Variants in NRG1 observed in about 807,000 individuals in gnomAD.
NRG1 encodes neuregulin 1, also known as pro-neuregulin-1, membrane-bound isoform.
A neutral mutation model predicts 63.8 loss-of-function variants in NRG1; 18 were observed. The ratio of observed to expected loss-of-function variants is 0.28; its 90% CI spans 0.19 to 0.42. The LOEUF is 0.42. NRG1 is among the 10% of genes least tolerant of loss of function. NRG1 has a pLI of 1.00. For synonymous variants in NRG1, 302 were observed against 301.3 expected, an observed-to-expected ratio of 1.00 and a Z score of -0.02; for missense variants, 762 against 814.7, an observed-to-expected ratio of 0.94 and a Z score of 0.79.
At chr8:31,752,757 G>T (rs1239066369) in intron 1 of NRG1, among the ~76,000 whole-genome samples, 2 of 151,976 alleles carry the variant, frequency 1.3e-5, no homozygotes, top group African/African-American at 4.8e-5. Context: ...AGGTGAATAG[G>T]GAGAGGAGCA....
At chr8:32,211,352 C>T (rs1030056274) in intron 1 of NRG1, among the ~76,000 whole-genome samples, 7 of 152,070 alleles carry the variant, frequency 4.6e-5, no homozygotes, top group Non-Finnish European at 1.0e-4. Context: ...TACAGTTTTT[C>T]CATTTTAGAA....
At chr8:31,734,122 T>C (rs1229651825) in intron 1 of NRG1, among the ~76,000 whole-genome samples, 1 of 150,318 alleles carries the variant, frequency 6.7e-6, no homozygotes, top group African/African-American at 2.5e-5. Context: ...AGGTCAGGAG[T>C]TCAAGACTAA....
intron 10 of NRG1, among the ~76,000 whole-genome samples, chr8:32,759,746 A>G (rs1830360847): frequency 6.6e-6 from 1 of 152,172 alleles, no homozygotes; most frequent in African/African-American, 2.4e-5. Flanking sequence ...TCTTTCAGTA[A>G]TTGGATTGCC....
At chr8:32,234,109 C>T (rs1847288829) in intron 1 of NRG1, among the ~76,000 whole-genome samples, 1 of 152,108 alleles carries the variant, frequency 6.6e-6, no homozygotes, top group Admixed American at 6.5e-5. Flanking sequence ...AGAATTATCA[C>T]TGAAATTTAC....
intron 6 of NRG1, among the ~76,000 whole-genome samples, chr8:32,738,435 C>T (rs1211012813): frequency 2.0e-5 from 3 of 151,830 alleles, no homozygotes; most frequent in African/African-American, 7.3e-5. Flanking sequence ...TACACACACA[C>T]ACACACACAC....
intron 1 of NRG1, among the ~76,000 whole-genome samples, chr8:31,952,839 A>G (rs1289215697): frequency 2.6e-5 from 4 of 152,166 alleles, no homozygotes; most frequent in Admixed American, 1.3e-4. Flanking sequence ...ATGATCTAAC[A>G]TGCTATGCCA....
At chr8:32,761,695 A>G (rs1022360738) in intron 11 of NRG1, among the ~76,000 whole-genome samples, 2 of 151,644 alleles carry the variant, frequency 1.3e-5, no homozygotes, top group African/African-American at 4.9e-5. Context: ...TTCCATGGGT[A>G]GGGATGACTT....
At chr8:31,642,905 A>G (rs755560862) in intron 1 of NRG1, among the ~76,000 whole-genome samples, 13 of 152,180 alleles carry the variant, frequency 8.5e-5, no homozygotes, top group Non-Finnish European at 1.8e-4. Context: ...AAACTGGAGG[A>G]TAAAAGCAAA....
intron 1 of NRG1, among the ~76,000 whole-genome samples, chr8:32,281,577 T>C (rs188997385): frequency 6.6e-6 from 1 of 152,150 alleles, no homozygotes; most frequent in Non-Finnish European, 1.5e-5. Flanking sequence ...GTGTACTTAG[T>C]GTTTAGCTCC....
chr8:32,511,485 C>A (rs1227363858), intron 1 of NRG1, among the ~76,000 whole-genome samples: 1 of 150,534 alleles, frequency 6.6e-6, no homozygotes, highest in Non-Finnish European at 1.5e-5. Context: ...AAGCATTGTA[C>A]TTTTTCTCAT....
At chr8:31,921,568 C>A (rs1033135902) in intron 1 of NRG1, among the ~76,000 whole-genome samples, 1 of 152,126 alleles carries the variant, frequency 6.6e-6, no homozygotes, top group Non-Finnish European at 1.5e-5. Context: ...CATCATAAAC[C>A]ATCCTTCCCT....
chr8:32,605,356 C>A (rs1186818080), intron 2 of NRG1, among the ~76,000 whole-genome samples: 1 of 152,028 alleles, frequency 6.6e-6, no homozygotes, highest in African/African-American at 2.4e-5. Context: ...GAGATGAAAT[C>A]CATGGTACAA....
rs1586127488 is a variant in NRG1 at position 31,748,868 on chromosome 8, AAT to A, written c.37+109438_37+109439del. On this transcript the variant is annotated intron_variant, in intron 1 of 10. Coordinates refer to the NRG1 transcript ENST00000519301. ...GAAACTCCAAGTACAGTGATACGGG[AAT>A]CAATGTACCCTACCTCTGACCCTCA... Among the ~76,000 whole-genome samples the A allele has an allele frequency of 2.6e-5, 4 of 151,936 alleles. No homozygotes were observed. In the East Asian group the frequency reaches 5.9e-4, roughly 22 times the overall value.
chr8:31,659,822 A>G (rs1397220129), intron 1 of NRG1, among the ~76,000 whole-genome samples: 1 of 152,172 alleles, frequency 6.6e-6, no homozygotes, highest in African/African-American at 2.4e-5. Flanking sequence ...ATGAAAACCA[A>G]TCTTTTTGTA....
intron 1 of NRG1, among the ~76,000 whole-genome samples, chr8:32,314,377 A>G (rs937644095): frequency 7.9e-5 from 12 of 152,184 alleles, no homozygotes; most frequent in Non-Finnish European, 8.8e-5. Context: ...AGAAAAGTCT[A>G]TGCTTGGTTA....
intron 1 of NRG1, among the ~76,000 whole-genome samples, chr8:32,397,546 C>A (rs1587363231): frequency 6.7e-6 from 1 of 149,084 alleles, no homozygotes; most frequent in South Asian, 2.1e-4. Flanking sequence ...AAAGACCATT[C>A]ATAAGATGTA....
intron 1 of NRG1, among the ~76,000 whole-genome samples, chr8:32,403,857 A>G (rs1440078385): frequency 6.6e-6 from 1 of 152,160 alleles, no homozygotes; most frequent in East Asian, 1.9e-4. Flanking sequence ...TAAAAGTACA[A>G]AAATATGAAC....
At chr8:32,536,912 G>A (rs1315109594) in intron 1 of NRG1, among the ~76,000 whole-genome samples, 38 of 80,790 alleles carry the variant, frequency 4.7e-4, no homozygotes, top group Non-Finnish European at 7.3e-4. Context: ...GATGGAGCAA[G>A]ACTCCGTCTC....
At chr8:32,371,408 G>T (rs1293170498) in intron 1 of NRG1, among the ~76,000 whole-genome samples, 1 of 152,180 alleles carries the variant, frequency 6.6e-6, no homozygotes, top group Admixed American at 6.5e-5. Flanking sequence ...TCTTACCTTA[G>T]AAGGATCAGT....
Sources: gnomAD v4.1 joint callset for allele counts (sites outside exome capture counted in the v4.1 genomes callset) on GRCh38, gnomAD v4.1.1 for gene constraint, MANE v1.5 for transcripts, NCBI Gene and HGNC (gene_info 2026-07-23, HGNC 2026-07-21) for gene names.